Variants in ITPR1 observed in about 807,000 individuals in gnomAD.
ITPR1 encodes inositol 1,4,5-trisphosphate receptor type 1.
In ITPR1, 96 loss-of-function variants were observed where a neutral mutation model predicts 318.4. That is an observed-to-expected ratio of 0.30 (90% CI 0.26 to 0.36). The LOEUF (loss-of-function observed/expected upper bound fraction) is 0.36. Among genes scored for constraint, ITPR1 ranks in the 10% least tolerant of loss-of-function variants. The pLI is 1.00. For missense variants in ITPR1, 2,440 were observed against 3,460.2 expected (o/e 0.71, Z 7.40); for synonymous variants, 1,312 against 1,289.9 (o/e 1.02, Z -0.37).
intron 55 of ITPR1, among the ~76,000 whole-genome samples, chr3:4,807,834 C>G (rs1351105885): frequency 6.6e-6 from 1 of 152,212 alleles, no homozygotes; most frequent in African/African-American, 2.4e-5. Context: ...AACTTTTTGT[C>G]TCATGCCATC....
intron 12 of ITPR1, among the ~76,000 whole-genome samples, chr3:4,656,064 G>C (rs977151244): frequency 6.6e-6 from 1 of 151,952 alleles, no homozygotes; most frequent in African/African-American, 2.4e-5. Context: ...TCTAAATTCA[G>C]CACCCTGAAG....
intron 4 of ITPR1, among the ~76,000 whole-genome samples, chr3:4,587,988 G>C (rs1016576056): frequency 2.6e-5 from 4 of 151,832 alleles, no homozygotes; most frequent in African/African-American, 9.7e-5. Context: ...TTACTGCCAA[G>C]CCTGCTCTGT....
At chr3:4,745,162 T>G (rs1302053785) in intron 44 of ITPR1, among the ~76,000 whole-genome samples, 2 of 146,314 alleles carry the variant, frequency 1.4e-5, no homozygotes, top group East Asian at 4.4e-4. Context: ...TTTCCTTCCC[T>G]TCCTTTCCCC....
intron 36 of ITPR1, 45 bp from the exon 37 acceptor site, chr3:4,706,122 C>G (rs768736261): frequency 2.1e-5 from 33 of 1,606,964 alleles, no homozygotes; most frequent in Non-Finnish European, 2.6e-5. Flanking sequence ...GTAGGGTGTC[C>G]CCCATAAAAG....
In ITPR1 at chr3:4,669,608, C is replaced by G. The variant is rs372838003; in HGVS notation, c.1887-46C>G. 213 of 1,559,598 alleles carry G rather than the reference C, an allele frequency of 1.4e-4. No homozygotes were observed. In the African/African-American group the frequency reaches 2.7e-3, roughly 20 times the overall value. ...GAAGAATTGGGGTCCAGGAGCCTAA[C>G]CTCTGCTCTATCTACAGAAAATGTT... On this transcript the variant is annotated intron_variant, in intron 18 of 61. Transcript: ENST00000649015.
chr3:4,758,264 T>C (rs4685815), intron 44 of ITPR1, among the ~76,000 whole-genome samples: 139,812 of 152,156 alleles, frequency 0.92, 64,634 homozygotes, highest in Middle Eastern at 0.99. Context: ...GACCAACTTT[T>C]AGAAGCTGAT....
intron 61 of ITPR1, among the ~76,000 whole-genome samples, chr3:4,842,165 G>T (rs543531641): frequency 6.6e-6 from 1 of 152,326 alleles, no homozygotes; most frequent in African/African-American, 2.4e-5. Flanking sequence ...TGTATGCCTC[G>T]TGTTTTCATG....
intron 4 of ITPR1, among the ~76,000 whole-genome samples, chr3:4,547,948 A>G (rs1392440291): frequency 6.6e-6 from 1 of 152,162 alleles, no homozygotes. Flanking sequence ...TACGAAGCAT[A>G]GCTACAGGAT....
intron 4 of ITPR1, among the ~76,000 whole-genome samples, chr3:4,554,331 G>A (rs1003699432): frequency 6.6e-6 from 1 of 152,214 alleles, no homozygotes; most frequent in Non-Finnish European, 1.5e-5. Flanking sequence ...CATCATAGGT[G>A]CTCCAGGTTT....
At chr3:4,548,157 A>G (rs2085207269) in intron 4 of ITPR1, among the ~76,000 whole-genome samples, 1 of 152,220 alleles carries the variant, frequency 6.6e-6, no homozygotes, top group South Asian at 2.1e-4. Flanking sequence ...TGTAAGTGGA[A>G]AGACACAGCC....
At chr3:4,663,967 G>A (rs182414512) in intron 16 of ITPR1, among the ~76,000 whole-genome samples, 1 of 152,316 alleles carries the variant, frequency 6.6e-6, no homozygotes, top group Non-Finnish European at 1.5e-5. Context: ...TTCAGTGTCT[G>A]TCCATGGCTT....
chr3:4,567,051 A>G (rs1458342135), intron 4 of ITPR1, among the ~76,000 whole-genome samples: 1 of 152,162 alleles, frequency 6.6e-6, no homozygotes, highest in Non-Finnish European at 1.5e-5. Flanking sequence ...TAATCTCTTT[A>G]CCTCAGTTTC....
chr3:4,672,144 T>C (rs886682947), intron 20 of ITPR1, among the ~76,000 whole-genome samples: 9 of 152,232 alleles, frequency 5.9e-5, no homozygotes, highest in African/African-American at 2.2e-4. Context: ...TTCAAATTTT[T>C]CTGAGTATAT....
intron 8 of ITPR1, 139 bp from the exon 9 acceptor site, chr3:4,645,248 G>C (rs1057431435): frequency 1.5e-5 from 10 of 677,296 alleles, no homozygotes; most frequent in Non-Finnish European, 2.4e-5. Context: ...CAGGTGCTGT[G>C]ATTTTAGTGG....
At chr3:4,756,727 G>T (rs1238883087) in intron 44 of ITPR1, among the ~76,000 whole-genome samples, 1 of 152,074 alleles carries the variant, frequency 6.6e-6, no homozygotes, top group East Asian at 1.9e-4. Flanking sequence ...AATGGGAATT[G>T]CCATTCATTG....
intron 2 of ITPR1, among the ~76,000 whole-genome samples, chr3:4,507,835 A>G (rs1281793061): frequency 6.6e-6 from 1 of 152,232 alleles, no homozygotes; most frequent in African/African-American, 2.4e-5. Flanking sequence ...AGGTTCTGTC[A>G]TAACTGGTGT....
chr3:4,746,805 G>A lies in ITPR1; in HGVS notation c.5544+11451G>A, dbSNP rs146912453. The stretch of plus-strand genomic sequence containing the variant: ...CTCAGCATGGAGCTTTTAACACATC[G>A]TAACAGCTCATCCAAAGCAACTCTG... On this transcript the variant is annotated intron_variant, in intron 44 of 61. Transcript: ENST00000649015. Among the ~76,000 whole-genome samples, 15 of 152,270 alleles carry A rather than the reference G, an allele frequency of 9.9e-5. No homozygotes were observed. The East Asian group carries it at 1.9e-3, about 20-fold the overall frequency.
In ITPR1 at chr3:4,676,784, A is replaced by G. The variant is rs1321203504; in HGVS notation, c.2950A>G (p.Ile984Val). ...CATGGTCATGGACACCAAGCTGAAG[A>G]TCATTGAGATACTCCAGGTATCCAC... ...DIMVMDTKLK[I>V]IEILQFILNV... The change falls in exon 24 of 62, where the codon ATC (isoleucine) becomes GTC (valine). Residue 984 changes from isoleucine to valine, a missense_variant. By Grantham distance (29) the Ile-to-Val change is conservative. Coordinates refer to ENST00000649015, the MANE Select transcript of ITPR1 (RefSeq NM_001378452.1). 4 of 1,613,212 alleles carry G rather than the reference A, an allele frequency of 2.5e-6. No homozygotes were observed. Among genetic ancestry groups the G allele is most frequent in the Non-Finnish European group, 3.4e-6 (4 of 1,179,618 alleles).
At position 4,639,292 on chromosome 3, in the gene ITPR1, T is replaced by G; in HGVS notation, c.280-92T>G. ...GGGATTTGCGTATTTCGGTGGTTCT[T>G]GTATGAACTGGCGACATTTGTTCTG... On this transcript the variant is annotated intron_variant, in intron 5 of 61. Transcript: ENST00000649015. 3.1e-6 allele frequency: 3 copies of G among 957,054 alleles called. No homozygotes were observed. In the East Asian group the frequency reaches 8.1e-5, roughly 26 times the overall value. The allele number at this position is 957,054 out of a possible 1,614,324, so 59.3% of individuals were successfully genotyped here. A position where few individuals can be genotyped will look rare whatever the true frequency, so the allele number is the denominator to read the frequency against.
Sources: gnomAD v4.1 joint callset for allele counts (sites outside exome capture counted in the v4.1 genomes callset) on GRCh38, gnomAD v4.1.1 for gene constraint, MANE v1.5 for transcripts, NCBI Gene and HGNC (gene_info 2026-07-23, HGNC 2026-07-21) for gene names.